Variants in FBXO38 observed in about 807,000 individuals in gnomAD.
FBXO38 encodes F-box protein 38, also known as F-box only protein 38.
FBXO38 carries 53 observed loss-of-function variants against 131.9 expected under a neutral mutation model. That is an observed-to-expected ratio of 0.40 (90% CI 0.32 to 0.51). The LOEUF (loss-of-function observed/expected upper bound fraction) is 0.51, where lower values mean the gene tolerates loss of function less well. Among genes scored for constraint, FBXO38 ranks in the 20% least tolerant of loss-of-function variants. The pLI is 0.53. For missense variants in FBXO38, 1,076 were observed against 1,475.6 expected, an observed-to-expected ratio of 0.73 and a Z score of 4.44; for synonymous variants, 452 against 505.6, an observed-to-expected ratio of 0.89 and a Z score of 1.42.
chr5:148,439,253 T>C (rs1162172431), intron 18 of FBXO38, among the ~76,000 whole-genome samples: 1 of 152,162 alleles, frequency 6.6e-6, no homozygotes, highest in East Asian at 1.9e-4. Flanking sequence ...GAAAATGCAT[T>C]CTCTCTTAAA....
In FBXO38 at chr5:148,417,062, G is replaced by C. The variant is rs1753097603; in HGVS notation, c.1476G>C (p.Gln492His). 6.2e-7 allele frequency: 1 copy of C among 1,613,762 alleles called. No individual in the cohort carries two copies. The highest frequency in any genetic ancestry group is 8.5e-7 in the Non-Finnish European group (1 of 1,179,802). Residue 492 changes from glutamine (Q) to histidine (H), a missense_variant, in exon 12 of 22, where the codon CAG (glutamine) becomes CAC (histidine). This residue lies in a region of FBXO38 where 212 missense variants were observed against 221.2 expected (regional missense o/e 0.96). Transcript: ENST00000340253. ...TTTCATCAGCTCTTGTTAGCAACCAGAACTCCAACAATGACGATAATAATG... is the reference window on the plus strand; with the variant it reads ...TTTCATCAGCTCTTGTTAGCAACCACAACTCCAACAATGACGATAATAATG... ...IGVSSALVSN[Q>H]NSNNDDNNAQ... is the part of the protein sequence containing the mutation.
intron 9 of FBXO38, chr5:148,413,542 A>G (rs985363006): frequency 6.6e-6 from 1 of 152,186 alleles, no homozygotes; most frequent in Non-Finnish European, 1.5e-5. Context: ...ATGATCTAGA[A>G]TAAAGGATCC....
intron 3 of FBXO38, among the ~76,000 whole-genome samples, chr5:148,400,720 C>T (rs1322697346): frequency 6.6e-6 from 1 of 151,988 alleles, no homozygotes; most frequent in Admixed American, 6.6e-5. Context: ...AGAACTTTCC[C>T]CATTTCTCTC....
At chr5:148,428,773 G>A (rs1315620909) in intron 15 of FBXO38, among the ~76,000 whole-genome samples, 1 of 152,172 alleles carries the variant, frequency 6.6e-6, no homozygotes, top group African/African-American at 2.4e-5. Flanking sequence ...TTCATACAGA[G>A]CTAAACAGAA....
intron 1 of FBXO38, among the ~76,000 whole-genome samples, chr5:148,389,167 T>C (rs1394138849): frequency 6.6e-6 from 1 of 152,206 alleles, no homozygotes; most frequent in African/African-American, 2.4e-5. Flanking sequence ...CAGCATGGTT[T>C]GTGGTACCTC....
intron 15 of FBXO38, 38 bp from the exon 16 acceptor site, chr5:148,433,386 G>C: frequency 6.9e-7 from 1 of 1,457,592 alleles, no homozygotes; most frequent in Non-Finnish European, 9.6e-7. Flanking sequence ...AGAAAGCAAG[G>C]CTAAAATTTG....
chr5:148,406,523 A>G, intron 7 of FBXO38, 129 bp downstream of exon 7: 3 of 700,202 alleles, frequency 4.3e-6, no homozygotes, highest in Non-Finnish European at 6.8e-6. Context: ...TCTTTGTTGT[A>G]TTTGATGGAC....
chr5:148,407,995 C>T (rs564957062), intron 7 of FBXO38, among the ~76,000 whole-genome samples: 16 of 151,430 alleles, frequency 1.1e-4, no homozygotes, highest in Non-Finnish European at 1.9e-4. Context: ...AATACAGATA[C>T]TGGGTATTGG....
chr5:148,441,321 G>C (rs769759362), intron 21 of FBXO38, 84 bp downstream of exon 21: 1 of 971,432 alleles, frequency 1.0e-6, no homozygotes, highest in Non-Finnish European at 1.6e-6. Flanking sequence ...TTGTGAGTTA[G>C]GAGCAGTGCA....
At chr5:148,404,602 A>G (rs1233722802) in intron 5 of FBXO38, 83 bp from the exon 6 acceptor site, 3 of 1,195,438 alleles carry the variant, frequency 2.5e-6, no homozygotes, top group Admixed American at 3.4e-5. Flanking sequence ...AATATGAAAA[A>G]TAGACTCTTG....
intron 12 of FBXO38, among the ~76,000 whole-genome samples, chr5:148,421,053 G>A (rs931061364): frequency 6.6e-6 from 1 of 151,028 alleles, no homozygotes; most frequent in South Asian, 2.1e-4. Flanking sequence ...TACAACCTCC[G>A]CCTCCTGGGT....
intron 19 of FBXO38, among the ~76,000 whole-genome samples, chr5:148,440,198 CTT>C (rs1754594036): frequency 6.6e-6 from 1 of 152,118 alleles, no homozygotes; most frequent in Admixed American, 6.6e-5. Flanking sequence ...TAGAAAGTGA[CTT>C]TCTTTCCCTG....
intron 9 of FBXO38, 142 bp downstream of exon 9, chr5:148,410,907 C>A: frequency 2.8e-6 from 2 of 701,854 alleles, no homozygotes; most frequent in Non-Finnish European, 4.5e-6. Flanking sequence ...GAAAAATAAA[C>A]TTTTAAATTA....
intron 7 of FBXO38, among the ~76,000 whole-genome samples, chr5:148,406,786 C>T (rs1561523487): frequency 6.6e-6 from 1 of 152,116 alleles, no homozygotes; most frequent in Non-Finnish European, 1.5e-5. Context: ...ATGTTAATCT[C>T]TATCACATAA....
Position 148,433,459 on chromosome 5 carries a change from C to T in FBXO38, c.2689C>T (p.Arg897Trp), listed in dbSNP as rs138967647. 1.1e-5 allele frequency: 17 copies of T among 1,613,466 alleles called. No homozygotes were observed. The highest frequency in any genetic ancestry group is 1.6e-4 in the Middle Eastern group (1 of 6,082). The change falls in exon 16 of 22, where the codon CGG becomes TGG. Residue 897 changes from arginine (R) to tryptophan (W), a missense_variant. Arg to Trp is a moderately radical substitution (Grantham distance 101). This residue lies in a region of FBXO38 where 282 missense variants were observed against 418.8 expected (regional missense o/e 0.67). Transcript: ENST00000340253. ...AACAAAGCCACGTCACGCCATGAAA[C>T]GGAAGCGGACAGCAGATAAATCCAC... ...AKTKPRHAMK[R>W]KRTADKSTST...
In FBXO38 at chr5:148,438,464, G is replaced by A; in HGVS notation, c.2990G>A (p.Arg997Lys). Residue 997 changes from arginine to lysine, a missense_variant, in exon 18 of 22, where the codon AGA becomes AAA. Transcript: ENST00000340253. ...CAGATACTAAGAATGCCACCCGAGA[G>A]AAACCGCATCATATACCTACGCCCA... ...LDQILRMPPE[R>K]NRIIYLRPMQ... The A allele has an allele frequency of 6.2e-7, 1 of 1,614,010 alleles. No individual in the cohort carries two copies. Among genetic ancestry groups the A allele is most frequent in the Non-Finnish European group, 8.5e-7 (1 of 1,179,898 alleles).
chr5:148,411,372 G>A (rs983561575), intron 9 of FBXO38, among the ~76,000 whole-genome samples: 4 of 151,988 alleles, frequency 2.6e-5, no homozygotes, highest in African/African-American at 7.3e-5. Context: ...TTTCCATATG[G>A]CATCAATAAG....
At chr5:148,406,087 A>G (rs1679362799) in intron 6 of FBXO38, among the ~76,000 whole-genome samples, 170 bp from the exon 7 acceptor site, 1 of 152,234 alleles carries the variant, frequency 6.6e-6, no homozygotes, top group South Asian at 2.1e-4. Flanking sequence ...GAGTAAGTGT[A>G]TGGTTAATAG....
chr5:148,402,278 T>TTG, intron 4 of FBXO38, 70 bp from the exon 5 acceptor site: 2 of 1,547,248 alleles, frequency 1.3e-6, no homozygotes, highest in Non-Finnish European at 1.8e-6. Flanking sequence ...ACTTAGCATC[T>TTG]TGTGGTACAT....
Sources: allele counts gnomAD v4.1 joint callset (sites outside exome capture counted in the v4.1 genomes callset), GRCh38; gene constraint gnomAD v4.1.1; regional missense constraint gnomAD v4.1.1; transcripts MANE v1.5; gene names NCBI Gene and HGNC (gene_info 2026-07-23, HGNC 2026-07-21).